Variants in CAP2 observed in about 807,000 individuals in gnomAD.
CAP2 encodes adenylyl cyclase-associated protein 2.
Under a neutral mutation model 57.7 loss-of-function variants are expected in CAP2, and 24 were observed. That is an observed-to-expected ratio of 0.42 (90% confidence interval 0.30 to 0.58). The LOEUF (loss-of-function observed/expected upper bound fraction) is 0.58. Among genes scored for constraint, CAP2 ranks in the 20% least tolerant of loss-of-function variants. The pLI, the probability that CAP2 is intolerant of heterozygous loss-of-function variation, is 0.22. For missense variants in CAP2, 501 were observed against 590.3 expected (o/e 0.85, Z 1.57); for synonymous variants, 194 against 207.2 (o/e 0.94, Z 0.55).
chr6:17,410,889 A>G (rs1179997022), intron 1 of CAP2, among the ~76,000 whole-genome samples: 1 of 152,220 alleles, frequency 6.6e-6, no homozygotes, highest in Non-Finnish European at 1.5e-5. Flanking sequence ...GTATCTTTAC[A>G]AAGAGGCACA....
chr6:17,397,472 A>C (rs1013873022), intron 1 of CAP2, among the ~76,000 whole-genome samples: 27 of 152,116 alleles, frequency 1.8e-4, no homozygotes, highest in African/African-American at 6.3e-4. Flanking sequence ...AGGCGGGCGC[A>C]TCACGAGGTC....
intron 3 of CAP2, among the ~76,000 whole-genome samples, chr6:17,462,111 A>G (rs1445935763): frequency 6.6e-6 from 1 of 151,940 alleles, no homozygotes; most frequent in African/African-American, 2.4e-5. Flanking sequence ...AGGTAAGAGA[A>G]TATGTGTTTG....
At chr6:17,536,518 T>A (rs1762778182) in intron 7 of CAP2, among the ~76,000 whole-genome samples, 1 of 152,206 alleles carries the variant, frequency 6.6e-6, no homozygotes, top group African/African-American at 2.4e-5. Flanking sequence ...TTTGTAGCAT[T>A]AAATGCTTTG....
At chr6:17,467,579 A>G (rs1312955592) in intron 4 of CAP2, among the ~76,000 whole-genome samples, 1 of 152,178 alleles carries the variant, frequency 6.6e-6, no homozygotes, top group Non-Finnish European at 1.5e-5. Context: ...GCTGGAGTGC[A>G]GTGGCGCTAC....
chr6:17,494,747 TTA>T (rs1484243434), intron 4 of CAP2, among the ~76,000 whole-genome samples: 1 of 152,180 alleles, frequency 6.6e-6, no homozygotes, highest in African/African-American at 2.4e-5. Context: ...TGGTGGAGTA[TTA>T]TTCTGGGTGT....
At chr6:17,527,792 A>G (rs558110589) in intron 7 of CAP2, among the ~76,000 whole-genome samples, 120 of 151,958 alleles carry the variant, frequency 7.9e-4, no homozygotes, top group South Asian at 2.3e-3. Context: ...ATGAGGTTTC[A>G]CCATGTTGGC....
At chr6:17,495,954 G>A (rs1222266012) in intron 4 of CAP2, among the ~76,000 whole-genome samples, 1 of 137,440 alleles carries the variant, frequency 7.3e-6, no homozygotes, top group Admixed American at 8.3e-5. Context: ...GCAGTGGGGG[G>A]ATAGCTATGC....
Position 17,556,448 on chromosome 6 carries a change from T to C in CAP2, c.*6T>C. On this transcript the variant is annotated 3_prime_UTR_variant, in exon 13 of 13. Transcript: ENST00000229922. ...CTGCAGAAATTATGGCCTAACTTCC[T>C]GAGAGACCGAACCCCCTCACCTGAA... 2 of 1,596,906 alleles carry C rather than the reference T, an allele frequency of 1.3e-6. No homozygotes were observed. Among genetic ancestry groups the C allele is most frequent in the Non-Finnish European group, 8.6e-7 (1 of 1,164,344 alleles).
intron 7 of CAP2, among the ~76,000 whole-genome samples, chr6:17,514,541 G>T (rs577085828): frequency 6.6e-6 from 1 of 152,298 alleles, no homozygotes; most frequent in South Asian, 2.1e-4. Context: ...CCTGAGGTCA[G>T]GAGTTTGAGA....
intron 3 of CAP2, among the ~76,000 whole-genome samples, chr6:17,456,854 A>G (rs1343772776): frequency 6.6e-6 from 1 of 152,070 alleles, no homozygotes; most frequent in African/African-American, 2.4e-5. Flanking sequence ...TGCCATCCAC[A>G]TGGGACTTTG....
At chr6:17,485,097 T>C (rs1310869494) in intron 4 of CAP2, among the ~76,000 whole-genome samples, 1 of 152,064 alleles carries the variant, frequency 6.6e-6, no homozygotes, top group African/African-American at 2.4e-5. Flanking sequence ...GAATTTGAGA[T>C]AAGTAGAATA....
intron 1 of CAP2, among the ~76,000 whole-genome samples, chr6:17,398,645 C>A (rs1473416678): frequency 2.0e-5 from 3 of 151,862 alleles, no homozygotes; most frequent in Non-Finnish European, 4.4e-5. Flanking sequence ...CTGCCTCAGC[C>A]TCCCAAGTAG....
chr6:17,421,802 C>T (rs771547982), intron 2 of CAP2, 126 bp downstream of exon 2: 1 of 1,081,622 alleles, frequency 9.2e-7, no homozygotes, highest in Non-Finnish European at 1.4e-6. Context: ...TCGTATGTGA[C>T]CATAACATTA....
intron 4 of CAP2, among the ~76,000 whole-genome samples, chr6:17,487,404 A>T (rs1472395484): frequency 6.6e-6 from 1 of 151,976 alleles, no homozygotes; most frequent in Non-Finnish European, 1.5e-5. Context: ...CCCAAGAGCA[A>T]ATGCCTGTCT....
chr6:17,512,603 A>G (rs1762184744), intron 6 of CAP2, among the ~76,000 whole-genome samples: 1 of 152,176 alleles, frequency 6.6e-6, no homozygotes, highest in African/African-American at 2.4e-5. Context: ...CCCTTATAAG[A>G]CCCTACAGAC....
At chr6:17,398,049 A>G (rs141685245) in intron 1 of CAP2, among the ~76,000 whole-genome samples, 73 of 152,350 alleles carry the variant, frequency 4.8e-4, no homozygotes, top group African/African-American at 1.7e-3. Flanking sequence ...CATCCTATTT[A>G]CATTCTAGTT....
At chr6:17,415,737 A>T (rs2113524042) in intron 1 of CAP2, among the ~76,000 whole-genome samples, 1 of 152,336 alleles carries the variant, frequency 6.6e-6, no homozygotes, top group Non-Finnish European at 1.5e-5. Context: ...AGAAAGCACA[A>T]GGCAGGTTTT....
intron 4 of CAP2, among the ~76,000 whole-genome samples, chr6:17,499,260 G>C (rs1490436017): frequency 6.6e-6 from 1 of 151,548 alleles, no homozygotes; most frequent in Non-Finnish European, 1.5e-5. Flanking sequence ...TTAGCCAGGC[G>C]TGGTGGCACA....
intron 4 of CAP2, among the ~76,000 whole-genome samples, chr6:17,468,185 TC>T (rs747186555): frequency 5.9e-4 from 90 of 152,100 alleles, no homozygotes; most frequent in Non-Finnish European, 4.1e-4. Flanking sequence ...CTTCAGTTCC[TC>T]CACCTTCACC....
Sources: gnomAD v4.1 joint callset for allele counts (sites outside exome capture counted in the v4.1 genomes callset) on GRCh38, gnomAD v4.1.1 for gene constraint, MANE v1.5 for transcripts, NCBI Gene and HGNC (gene_info 2026-07-23, HGNC 2026-07-21) for gene names.